Variants in LRFN5 observed in about 807,000 individuals in gnomAD.
LRFN5 encodes the protein leucine-rich repeat and fibronectin type-III domain-containing protein 5.
A neutral mutation model predicts 45.6 loss-of-function variants in LRFN5; 24 were observed. That is an observed-to-expected ratio of 0.53 (90% CI 0.38 to 0.74). The LOEUF is 0.74. LRFN5 is among the 30% of genes least tolerant of loss of function. LRFN5 has a pLI of 0.00. For missense variants in LRFN5, 776 were observed against 861.5 expected (o/e 0.90, Z 1.24); for synonymous variants, 340 against 313.8 (o/e 1.08, Z -0.88).
At chr14:41,665,198 A>G (rs1200311365) in intron 1 of LRFN5, among the ~76,000 whole-genome samples, 1 of 151,958 alleles carries the variant, frequency 6.6e-6, no homozygotes, top group African/African-American at 2.4e-5. Flanking sequence ...AAATTGTTTT[A>G]TGCAAGAAGG....
At chr14:41,876,336 A>G (rs1455074967) in intron 2 of LRFN5, among the ~76,000 whole-genome samples, 1 of 126,872 alleles carries the variant, frequency 7.9e-6, no homozygotes, top group African/African-American at 3.1e-5. Flanking sequence ...GCTGGAGTGC[A>G]GTGGTGCCAT....
At chr14:41,636,934 C>T (rs186255796) in intron 1 of LRFN5, among the ~76,000 whole-genome samples, 3 of 152,260 alleles carry the variant, frequency 2.0e-5, no homozygotes, top group Admixed American at 1.3e-4. Flanking sequence ...TATACCTCAG[C>T]GGCAGCATGA....
intron 1 of LRFN5, among the ~76,000 whole-genome samples, chr14:41,688,671 A>AAAAAC (rs1393274416): frequency 2.7e-5 from 4 of 150,546 alleles, no homozygotes; most frequent in African/African-American, 5.0e-5. Flanking sequence ...CAATGGGAAA[A>AAAAAC]AAAACAAAAC....
Position 41,639,949 on chromosome 14 carries a change from A to AT in LRFN5, c.-197+31416dup, listed in dbSNP as rs34020254. 3.2e-3 allele frequency among the ~76,000 whole-genome samples: 219 copies of AT among 68,084 alleles called. 7 individuals are homozygous for AT. The highest frequency in any genetic ancestry group is 0.017 in the East Asian group (43 of 2,480). The allele number at this position is 68,084 out of a possible 152,430, so 44.7% of individuals were successfully genotyped here. On this transcript the variant is annotated intron_variant, in intron 1 of 5. Coordinates refer to ENST00000298119, the MANE Select transcript of LRFN5 (RefSeq NM_152447.5). ...AGATGGATGCCAACATGACTGGCTA[A>AT]TTTTTTTTTTTTTTTTTTTTTTTTT...
chr14:41,659,880 C>T (rs1880558804), intron 1 of LRFN5, among the ~76,000 whole-genome samples: 3 of 148,952 alleles, frequency 2.0e-5, no homozygotes, highest in Middle Eastern at 3.4e-3. Flanking sequence ...TGTCCTTCAC[C>T]CACTTTTTGA....
intron 2 of LRFN5, among the ~76,000 whole-genome samples, chr14:41,831,965 G>GA (rs891951026): frequency 6.6e-6 from 1 of 152,092 alleles, no homozygotes; most frequent in East Asian, 1.9e-4. Context: ...CTAGCAGAGA[G>GA]AAAAAAATTT....
intron 1 of LRFN5, among the ~76,000 whole-genome samples, chr14:41,744,394 A>G (rs1884832644): frequency 6.6e-6 from 1 of 152,136 alleles, no homozygotes. Context: ...GAAGAGAGAA[A>G]TAAATTTAAC....
chr14:41,790,318 CTTATTTTTTTTCT>C (rs1886873842), intron 2 of LRFN5, among the ~76,000 whole-genome samples: 1 of 151,388 alleles, frequency 6.6e-6, no homozygotes, highest in South Asian at 2.1e-4. Context: ...CTATTTGAGT[CTTATTTTTTTTCT>C]TAATATTACC....
At chr14:41,661,768 A>T (rs1880666693) in intron 1 of LRFN5, among the ~76,000 whole-genome samples, 1 of 152,068 alleles carries the variant, frequency 6.6e-6, no homozygotes, top group Admixed American at 6.6e-5. Flanking sequence ...TGGCAGGAGC[A>T]GAATGTGGGG....
chr14:41,616,947 C>T (rs770854143), intron 1 of LRFN5, among the ~76,000 whole-genome samples: 5 of 152,034 alleles, frequency 3.3e-5, no homozygotes, highest in Admixed American at 6.6e-5. Context: ...AGTGTTTCTT[C>T]GATTTTCTTT....
At chr14:41,639,949 A>ATTTTTTTTTTTTTTTTTTTTTTTT (rs34020254) in intron 1 of LRFN5, among the ~76,000 whole-genome samples, 2 of 68,036 alleles carry the variant, frequency 2.9e-5, no homozygotes, top group African/African-American at 5.7e-5. Context: ...TGACTGGCTA[A>ATTTTTTTTTTTTTTTTTTTTTTTT]TTTTTTTTTT....
chr14:41,649,037 GC>G (rs576371302), intron 1 of LRFN5, among the ~76,000 whole-genome samples: 83 of 152,170 alleles, frequency 5.5e-4, no homozygotes, highest in African/African-American at 1.9e-3. Context: ...TTCAAGACCA[GC>G]CTGGCCAACA....
intron 1 of LRFN5, among the ~76,000 whole-genome samples, chr14:41,631,712 C>T (rs1888540854): frequency 6.6e-6 from 1 of 152,024 alleles, no homozygotes; most frequent in South Asian, 2.1e-4. Context: ...AATAATAAGT[C>T]ATGAGTATAT....
At chr14:41,734,009 TTTTTC>T (rs1215544846) in intron 1 of LRFN5, among the ~76,000 whole-genome samples, 20 of 140,112 alleles carry the variant, frequency 1.4e-4, no homozygotes, top group African/African-American at 3.0e-4. Flanking sequence ...ATATATATAT[TTTTTC>T]TTTTCTTTTC....
rs1215453280 is a variant in LRFN5, at chr14:41,805,357, A to G, written c.-21+38328A>G. 2.7e-5 allele frequency among the ~76,000 whole-genome samples: 4 copies of G among 150,558 alleles called. No individual in the cohort carries two copies. In the South Asian group the frequency reaches 8.3e-4, roughly 31 times the overall value. ...GATTTGGATAATTGGAAGTTCTCAC[A>G]AAACTCCTCAGGGCATACTTACATA... On this transcript the variant is annotated intron_variant, in intron 2 of 5. Transcript: ENST00000298119.
At position 41,696,326 on chromosome 14, in the gene LRFN5, A is replaced by G. The variant is rs140242722; in HGVS notation, c.-196-70528A>G. 7.3e-3 allele frequency among the ~76,000 whole-genome samples: 1,115 copies of G among 152,136 alleles called. 27 individuals are homozygous for G. Among genetic ancestry groups the G allele is most frequent in the Admixed American group, 0.053 (812 of 15,248 alleles). On this transcript the variant is annotated intron_variant, in intron 1 of 5. Coordinates refer to ENST00000298119, the MANE Select transcript of LRFN5 (RefSeq NM_152447.5). Reference sequence around the variant, plus strand: ...AATGACAGTGGATACAGAATGTTACATAAACTTATTTGATTAAACAGTGGC... The same window carrying G: ...AATGACAGTGGATACAGAATGTTACGTAAACTTATTTGATTAAACAGTGGC...
At chr14:41,878,021 G>GA (rs1890245238) in intron 2 of LRFN5, among the ~76,000 whole-genome samples, 2 of 148,148 alleles carry the variant, frequency 1.3e-5, no homozygotes, top group South Asian at 4.5e-4. Context: ...TTTGAGGCCT[G>GA]AATTTTAGAG....
At chr14:41,707,536 C>T (rs1883115641) in intron 1 of LRFN5, among the ~76,000 whole-genome samples, 2 of 152,042 alleles carry the variant, frequency 1.3e-5, no homozygotes, top group Non-Finnish European at 2.9e-5. Flanking sequence ...TGATGAAACT[C>T]ATCATGCTTT....
At chr14:41,729,204 G>C (rs1275720271) in intron 1 of LRFN5, among the ~76,000 whole-genome samples, 1 of 152,150 alleles carries the variant, frequency 6.6e-6, no homozygotes, top group African/African-American at 2.4e-5. Context: ...GATCCCTTGT[G>C]AATGGCTTAG....
Sources: gnomAD v4.1 joint callset for allele counts (sites outside exome capture counted in the v4.1 genomes callset) on GRCh38, gnomAD v4.1.1 for gene constraint, MANE v1.5 for transcripts, NCBI Gene and HGNC (gene_info 2026-07-23, HGNC 2026-07-21) for gene names.